The following GPC6 variants were observed in gnomAD, a reference collection of about 807,000 sequenced individuals.
The protein encoded by GPC6 is glypican-6.
GPC6 carries 14 observed loss-of-function variants against 55.2 expected under a neutral mutation model. The ratio of observed to expected loss-of-function variants is 0.25; its 90% CI spans 0.17 to 0.40. The LOEUF (loss-of-function observed/expected upper bound fraction) is 0.40. GPC6 is among the 10% of genes least tolerant of loss of function. The probability of loss-of-function intolerance (pLI) is 1.00; values close to 1 mark genes in which losing one functional copy is unlikely to be tolerated. For synonymous variants in GPC6, 278 were observed against 259.6 expected, an observed-to-expected ratio of 1.07 and a Z score of -0.68; for missense variants, 641 against 708.5, an observed-to-expected ratio of 0.90 and a Z score of 1.08.
chr13:93,275,741 T>C (rs539515098), intron 1 of GPC6, among the ~76,000 whole-genome samples: 4 of 152,314 alleles, frequency 2.6e-5, no homozygotes, highest in South Asian at 4.1e-4. Flanking sequence ...CACACCCTCA[T>C]GTCCTCATCT....
At chr13:93,522,192 G>A (rs1881446210) in intron 1 of GPC6, among the ~76,000 whole-genome samples, 1 of 151,868 alleles carries the variant, frequency 6.6e-6, no homozygotes, top group African/African-American at 2.4e-5. Flanking sequence ...TTATCTTTGA[G>A]CTATTTTACA....
At chr13:94,176,156 C>G (rs1246561224) in intron 4 of GPC6, among the ~76,000 whole-genome samples, 1 of 151,976 alleles carries the variant, frequency 6.6e-6, no homozygotes, top group African/African-American at 2.4e-5. Context: ...ACAAGATAAG[C>G]AATTAATCTC....
At chr13:93,656,386 G>C (rs1880667722) in intron 2 of GPC6, among the ~76,000 whole-genome samples, 1 of 152,108 alleles carries the variant, frequency 6.6e-6, no homozygotes, top group African/African-American at 2.4e-5. Context: ...ACAATGTTAA[G>C]AAAGCAGCAT....
chr13:94,113,672 G>A (rs1476720296), intron 4 of GPC6, among the ~76,000 whole-genome samples: 1 of 152,034 alleles, frequency 6.6e-6, no homozygotes, highest in South Asian at 2.1e-4. Flanking sequence ...CAGCCAACTA[G>A]GAAGTGATTT....
intron 2 of GPC6, among the ~76,000 whole-genome samples, chr13:93,603,197 C>T (rs957108544): frequency 6.6e-6 from 1 of 151,920 alleles, no homozygotes; most frequent in Non-Finnish European, 1.5e-5. Context: ...TTTGTAAAGA[C>T]ATGATCTCAC....
At chr13:93,397,190 T>C (rs1192982614) in intron 1 of GPC6, among the ~76,000 whole-genome samples, 1 of 152,206 alleles carries the variant, frequency 6.6e-6, no homozygotes, top group African/African-American at 2.4e-5. Context: ...AAAATATCCT[T>C]ATTGAGGTAT....
intron 6 of GPC6, among the ~76,000 whole-genome samples, chr13:94,363,184 T>C (rs9516403): frequency 0.097 from 14,840 of 152,226 alleles, 973 homozygotes; most frequent in African/African-American, 0.18. Context: ...ATGAGTATCT[T>C]GTGAGAAATT....
At chr13:93,396,574 G>C (rs758624929) in intron 1 of GPC6, among the ~76,000 whole-genome samples, 2 of 138,200 alleles carry the variant, frequency 1.4e-5, no homozygotes, top group African/African-American at 2.7e-5. Context: ...TCTCAAAAAA[G>C]AAAATAATAA....
At position 94,403,266 on chromosome 13, in the gene GPC6, C is replaced by A; in HGVS notation, c.*49C>A. 1.6e-6 allele frequency: 2 copies of A among 1,260,852 alleles called. No homozygotes were observed. Among genetic ancestry groups the A allele is most frequent in the Non-Finnish European group, 2.3e-6 (2 of 867,140 alleles). 78.1% of individuals were successfully genotyped at this position (1,260,852 alleles called of 1,614,324 possible). On this transcript the variant is annotated 3_prime_UTR_variant, in exon 9 of 9. Transcript: ENST00000377047. ...ACTGCATTTTAGCTATCTGAATGGC[C>A]AACTCACTTCTTTTCTTACACTCTT... is the stretch of plus-strand genomic sequence containing the variant.
intron 2 of GPC6, among the ~76,000 whole-genome samples, chr13:93,740,065 C>CCAT (rs1884149289): frequency 6.6e-6 from 1 of 152,084 alleles, no homozygotes; most frequent in African/African-American, 2.4e-5. Flanking sequence ...TGGGACTTCA[C>CCAT]CATCCCCTTT....
chr13:93,552,386 A>C (rs1346145589), intron 2 of GPC6, among the ~76,000 whole-genome samples: 1 of 152,004 alleles, frequency 6.6e-6, no homozygotes. Flanking sequence ...GGTCCTTTAA[A>C]TGTGGTGCAT....
At chr13:93,854,519 A>C (rs992191097) in intron 3 of GPC6, among the ~76,000 whole-genome samples, 1 of 151,746 alleles carries the variant, frequency 6.6e-6, no homozygotes, top group Admixed American at 6.6e-5. Context: ...TTAAATTTTC[A>C]CTGGTAATCC....
intron 4 of GPC6, among the ~76,000 whole-genome samples, chr13:94,102,500 AC>A (rs1885903055): frequency 7.1e-6 from 1 of 140,582 alleles, no homozygotes; most frequent in South Asian, 2.3e-4. Context: ...CTGTTTTCTG[AC>A]CCTTTTTTTT....
At position 93,964,266 on chromosome 13, in the gene GPC6, C is replaced by T. The variant is rs142861091; in HGVS notation, c.712-63463C>T. 7.7e-3 allele frequency among the ~76,000 whole-genome samples: 1,169 copies of T among 152,284 alleles called. 14 individuals carry two copies. The highest frequency in any genetic ancestry group is 0.027 in the African/African-American group (1,115 of 41,562). ...GAAAAAGGTAACTCCTATGACAATT[C>T]AGTCATTGCTTCCTTGACTAACGTG... On this transcript the variant is annotated intron_variant, in intron 3 of 8. Coordinates refer to ENST00000377047, the MANE Select transcript of GPC6 (RefSeq NM_005708.5).
At chr13:93,510,971 G>GTATATATATATGTGTATATATATA (rs1555306602) in intron 1 of GPC6, among the ~76,000 whole-genome samples, 32 of 69,802 alleles carry the variant, frequency 4.6e-4, no homozygotes, top group South Asian at 1.7e-3. Flanking sequence ...ATATATATAT[G>GTATATATATATGTGTATATATATA]TGTATATATA....
At chr13:93,824,516 G>T (rs886786984) in intron 2 of GPC6, among the ~76,000 whole-genome samples, 2 of 152,224 alleles carry the variant, frequency 1.3e-5, no homozygotes, top group Non-Finnish European at 1.5e-5. Context: ...ATTAAGCCAC[G>T]CAAAGAATGG....
chr13:93,549,475 T>A (rs191159459), intron 2 of GPC6, among the ~76,000 whole-genome samples: 209 of 152,262 alleles, frequency 1.4e-3, no homozygotes, highest in Non-Finnish European at 2.2e-3. Flanking sequence ...TCCCTGCCCT[T>A]CATGGATTTT....
At chr13:93,544,901 T>G (rs1221458153) in intron 1 of GPC6, among the ~76,000 whole-genome samples, 2 of 152,168 alleles carry the variant, frequency 1.3e-5, no homozygotes, top group Non-Finnish European at 2.9e-5. Flanking sequence ...TTGCCTTACT[T>G]GAGGTTTCCC....
intron 3 of GPC6, among the ~76,000 whole-genome samples, chr13:93,914,472 A>G (rs895100410): frequency 1.3e-5 from 2 of 152,172 alleles, no homozygotes; most frequent in African/African-American, 4.8e-5. Flanking sequence ...CAGAAACGGC[A>G]TTGCTCTTTT....
Sources: gnomAD v4.1 joint callset for allele counts (sites outside exome capture counted in the v4.1 genomes callset) on GRCh38, gnomAD v4.1.1 for gene constraint, MANE v1.5 for transcripts, NCBI Gene and HGNC (gene_info 2026-07-23, HGNC 2026-07-21) for gene names.